Variants in COP1 observed in about 807,000 individuals in gnomAD.
COP1 encodes E3 ubiquitin-protein ligase COP1.
In COP1, 24 loss-of-function variants were observed where a neutral mutation model predicts 101.3. That is an observed-to-expected ratio of 0.24 (90% CI 0.17 to 0.33). The LOEUF is 0.33. Among genes scored for constraint, COP1 ranks in the 10% least tolerant of loss-of-function variants. The pLI, the probability that COP1 is intolerant of heterozygous loss-of-function variation, is 1.00. For synonymous variants in COP1, 347 were observed against 341.9 expected (o/e 1.01, Z -0.17); for missense variants, 663 against 906.2 (o/e 0.73, Z 3.45).
chr1:175,945,146 T>C lies in COP1; in HGVS notation c.*7A>G, dbSNP rs532053367. ...GGATCAAGTACAATTTGACTTGAGTTAACCCTTCATACCAATTCTAGCACC... is the reference window on the plus strand; with the variant it reads ...GGATCAAGTACAATTTGACTTGAGTCAACCCTTCATACCAATTCTAGCACC... On this transcript the variant is annotated 3_prime_UTR_variant, in exon 20 of 20. Transcript: ENST00000367669. 1.3e-6 allele frequency: 2 copies of C among 1,577,550 alleles called. No homozygotes were observed. Among genetic ancestry groups the C allele is most frequent in the Non-Finnish European group, 1.7e-6 (2 of 1,152,490 alleles).
chr1:175,987,118 T>C lies in COP1; in HGVS notation c.1973-15A>G. The C allele has an allele frequency of 7.7e-7, 1 of 1,302,624 alleles. No homozygotes were observed. Among genetic ancestry groups the C allele is most frequent in the South Asian group, 1.4e-5 (1 of 70,122 alleles). The allele number at this position is 1,302,624 out of a possible 1,614,324, so 80.7% of individuals were successfully genotyped here. On this transcript the variant is annotated splice_polypyrimidine_tract_variant and intron_variant, in intron 17 of 19. Coordinates refer to ENST00000367669, the MANE Select transcript of COP1 (RefSeq NM_022457.7). ...ATTTTCACTTCCTGAAAACAAATAA[T>C]AATAATAGTATTTTAGAATAGAAAA...
At chr1:176,010,669 T>C (rs769255060) in intron 15 of COP1, among the ~76,000 whole-genome samples, 2 of 152,222 alleles carry the variant, frequency 1.3e-5, no homozygotes, top group Non-Finnish European at 2.9e-5. Context: ...AATGACCTTC[T>C]GGCCTTTTCA....
intron 9 of COP1, among the ~76,000 whole-genome samples, chr1:176,115,002 G>T (rs188102145): frequency 6.6e-6 from 1 of 152,054 alleles, no homozygotes; most frequent in African/African-American, 2.4e-5. Flanking sequence ...GAAATTATAC[G>T]CATATATAGG....
intron 14 of COP1, among the ~76,000 whole-genome samples, chr1:176,034,290 G>A (rs1669115361): frequency 6.6e-6 from 1 of 152,118 alleles, no homozygotes; most frequent in Non-Finnish European, 1.5e-5. Flanking sequence ...GCAAACCAGG[G>A]ATTGGGAGTA....
intron 11 of COP1, among the ~76,000 whole-genome samples, chr1:176,076,400 G>A (rs551777105): frequency 6.6e-6 from 1 of 152,120 alleles, no homozygotes; most frequent in African/African-American, 2.4e-5. Context: ...ATTAAGGCAG[G>A]AATAACAAAA....
chr1:176,162,722 G>A (rs962990118), intron 5 of COP1, 147 bp downstream of exon 5: 9 of 536,042 alleles, frequency 1.7e-5, no homozygotes, highest in Middle Eastern at 5.2e-4. Flanking sequence ...GGGGAATCTA[G>A]CAGAAGTGAC....
At position 176,084,850 on chromosome 1, in the gene COP1, C is replaced by CTT. The variant is rs56020581; in HGVS notation, c.1141+924_1141+925dup. 1.1e-4 allele frequency among the ~76,000 whole-genome samples: 17 copies of CTT among 149,744 alleles called. No individual in the cohort carries two copies. The East Asian group carries it at 1.2e-3, about 10-fold the overall frequency. On this transcript the variant is annotated intron_variant, in intron 10 of 19. Coordinates refer to ENST00000367669, the MANE Select transcript of COP1 (RefSeq NM_022457.7). ...TTTTAACAACCAATAAAATACCAGA[C>CTT]TTTTTTTTTTCCCCCTTGGTGGGGT...
At chr1:176,034,133 A>C (rs1669086444) in intron 14 of COP1, among the ~76,000 whole-genome samples, 1 of 152,218 alleles carries the variant, frequency 6.6e-6, no homozygotes, top group Non-Finnish European at 1.5e-5. Flanking sequence ...AAACAAAAAC[A>C]GTCATTTCCA....
chr1:176,184,561 T>C, intron 2 of COP1, 72 bp downstream of exon 2: 1 of 1,262,556 alleles, frequency 7.9e-7, no homozygotes, highest in Non-Finnish European at 1.1e-6. Context: ...AACACGTAAC[T>C]TCTCATTGGC....
intron 19 of COP1, among the ~76,000 whole-genome samples, chr1:175,946,587 T>G (rs1649198379): frequency 6.6e-6 from 1 of 152,244 alleles, no homozygotes; most frequent in Non-Finnish European, 1.5e-5. Context: ...AGGATTTATT[T>G]ATCCAATGTA....
At chr1:176,063,039 T>C (rs2149306956) in intron 11 of COP1, among the ~76,000 whole-genome samples, 1 of 147,044 alleles carries the variant, frequency 6.8e-6, no homozygotes, top group Admixed American at 7.2e-5. Flanking sequence ...GAGAAAATTT[T>C]TGAAAATGTT....
chr1:176,027,833 A>C (rs1441548837), intron 14 of COP1, 145 bp from the exon 15 acceptor site: 2 of 607,570 alleles, frequency 3.3e-6, no homozygotes, highest in African/African-American at 3.7e-5. Context: ...TAAAAGTGTT[A>C]AAGCTGAATG....
At chr1:176,166,546 C>G (rs1396550293) in intron 3 of COP1, among the ~76,000 whole-genome samples, 1 of 152,222 alleles carries the variant, frequency 6.6e-6, no homozygotes, top group Non-Finnish European at 1.5e-5. Context: ...CATATAAAGA[C>G]ATTTAAATTC....
At chr1:176,155,406 G>A (rs1693296677) in intron 5 of COP1, among the ~76,000 whole-genome samples, 1 of 151,714 alleles carries the variant, frequency 6.6e-6, no homozygotes, top group Non-Finnish European at 1.5e-5. Context: ...CAGAGGAAAG[G>A]AATAACAAAC....
intron 14 of COP1, among the ~76,000 whole-genome samples, chr1:176,033,429 AAATAAT>A (rs892584384): frequency 2.0e-5 from 3 of 151,838 alleles, no homozygotes; most frequent in African/African-American, 2.4e-5. Flanking sequence ...CTCTGTCTCA[AAATAAT>A]AATAATAATA....
intron 3 of COP1, among the ~76,000 whole-genome samples, chr1:176,165,902 G>C (rs1695068092): frequency 1.3e-5 from 2 of 152,002 alleles, no homozygotes; most frequent in Non-Finnish European, 2.9e-5. Flanking sequence ...AATTCAGTGG[G>C]AATAAAGAGG....
intron 12 of COP1, among the ~76,000 whole-genome samples, chr1:176,044,194 CT>C (rs1456760676): frequency 6.6e-6 from 1 of 152,152 alleles, no homozygotes; most frequent in Non-Finnish European, 1.5e-5. Context: ...GTTTAACCCC[CT>C]GGATCCAGTT....
chr1:175,965,836 C>T (rs1185037430), intron 18 of COP1, among the ~76,000 whole-genome samples: 1 of 152,068 alleles, frequency 6.6e-6, no homozygotes, highest in Non-Finnish European at 1.5e-5. Flanking sequence ...CCCGCCTCAG[C>T]CTCCTAAAGT....
At chr1:175,947,739 T>G (rs1337413846) in intron 18 of COP1, among the ~76,000 whole-genome samples, 4 of 152,080 alleles carry the variant, frequency 2.6e-5, no homozygotes, top group Non-Finnish European at 4.4e-5. Context: ...AGTGTAAGTT[T>G]TAATAAAAGA....
Sources: allele counts gnomAD v4.1 joint callset (sites outside exome capture counted in the v4.1 genomes callset), GRCh38; gene constraint gnomAD v4.1.1; transcripts MANE v1.5; gene names NCBI Gene and HGNC (gene_info 2026-07-23, HGNC 2026-07-21).